TMEM132C: variants seen among roughly 807,000 people sequenced by gnomAD.
TMEM132C encodes the protein protein phosphatase 1, regulatory subunit 152.
In TMEM132C, 29 loss-of-function variants were observed where a neutral mutation model predicts 61.4. The observed-to-expected ratio is 0.47, with a 90% CI of 0.35 to 0.64. The LOEUF is 0.64. TMEM132C is among the 30% of genes least tolerant of loss of function. The pLI, the probability that TMEM132C is intolerant of heterozygous loss-of-function variation, is 0.00. For missense variants in TMEM132C, 1,408 were observed against 1,476.9 expected (o/e 0.95, Z 0.76); for synonymous variants, 656 against 633.1 (o/e 1.04, Z -0.54).
At chr12:128,365,853 C>T (rs1420892212) in intron 1 of TMEM132C, among the ~76,000 whole-genome samples, 2 of 152,188 alleles carry the variant, frequency 1.3e-5, no homozygotes. Flanking sequence ...GGTGGCCAGG[C>T]TGCCCCGTTG....
chr12:128,470,301 C>A (rs1389023481), intron 2 of TMEM132C, among the ~76,000 whole-genome samples: 2 of 152,184 alleles, frequency 1.3e-5, no homozygotes, highest in African/African-American at 4.8e-5. Context: ...ACTCTGACAG[C>A]AAAGAGGCAT....
chr12:128,508,285 G>A (rs1303170823), intron 2 of TMEM132C, among the ~76,000 whole-genome samples: 5 of 152,120 alleles, frequency 3.3e-5, no homozygotes, highest in South Asian at 2.1e-4. Flanking sequence ...AACCGCCTCC[G>A]TGATTCAGTT....
chr12:128,489,073 G>A (rs974914613), intron 2 of TMEM132C, among the ~76,000 whole-genome samples: 1 of 152,090 alleles, frequency 6.6e-6, no homozygotes, highest in African/African-American at 2.4e-5. Context: ...AAAGACCAAG[G>A]GTGCAGACTA....
At chr12:128,340,809 TTCTC>T (rs1418305636) in intron 1 of TMEM132C, among the ~76,000 whole-genome samples, 5 of 149,944 alleles carry the variant, frequency 3.3e-5, no homozygotes, top group Non-Finnish European at 7.4e-5. Flanking sequence ...CTTTCTTTCT[TTCTC>T]TCTTTCTTTC....
intron 1 of TMEM132C, among the ~76,000 whole-genome samples, chr12:128,394,356 C>A (rs1183276703): frequency 5.3e-5 from 8 of 152,170 alleles, no homozygotes; most frequent in Non-Finnish European, 1.2e-4. Context: ...GGATTCCAGA[C>A]ACAAGAAGAA....
intron 3 of TMEM132C, among the ~76,000 whole-genome samples, chr12:128,545,517 C>A (rs559168419): frequency 2.0e-5 from 3 of 152,292 alleles, no homozygotes; most frequent in African/African-American, 7.2e-5. Context: ...GTTCTGAGTT[C>A]TTTGAGAAAT....
At chr12:128,294,368 G>A (rs1176933676) in intron 1 of TMEM132C, among the ~76,000 whole-genome samples, 1 of 152,194 alleles carries the variant, frequency 6.6e-6, no homozygotes, top group East Asian at 1.9e-4. Flanking sequence ...CCACACTTCA[G>A]TGACTCACAC....
intron 1 of TMEM132C, among the ~76,000 whole-genome samples, chr12:128,311,120 G>A (rs764267695): frequency 3.0e-4 from 46 of 152,318 alleles, no homozygotes; most frequent in South Asian, 6.2e-4. Flanking sequence ...CTAATAATAA[G>A]CGTGTGGCTT....
At chr12:128,307,306 T>C (rs1459511419) in intron 1 of TMEM132C, among the ~76,000 whole-genome samples, 1 of 152,052 alleles carries the variant, frequency 6.6e-6, no homozygotes, top group African/African-American at 2.4e-5. Context: ...TGTTGAGTTA[T>C]CAAAATATAC....
chr12:128,456,516 C>T (rs937676216), intron 2 of TMEM132C, among the ~76,000 whole-genome samples: 5 of 150,136 alleles, frequency 3.3e-5, no homozygotes, highest in Admixed American at 6.7e-5. Context: ...AAGTGATTCT[C>T]CCAGCTCAGC....
chr12:128,670,297 A>G (rs1199463627), intron 5 of TMEM132C, among the ~76,000 whole-genome samples: 1 of 152,202 alleles, frequency 6.6e-6, no homozygotes, highest in Non-Finnish European at 1.5e-5. Context: ...TGGCAGAGCG[A>G]GACTCCATCT....
At chr12:128,469,568 T>C (rs1444586975) in intron 2 of TMEM132C, among the ~76,000 whole-genome samples, 6 of 151,956 alleles carry the variant, frequency 3.9e-5, no homozygotes, top group African/African-American at 7.2e-5. Context: ...ACACCCAGCT[T>C]TACAGCCATG....
chr12:128,571,131 C>CA (rs1162668631), intron 3 of TMEM132C, among the ~76,000 whole-genome samples: 4 of 151,790 alleles, frequency 2.6e-5, no homozygotes, highest in Non-Finnish European at 4.4e-5. Context: ...CAGACAAGGC[C>CA]AAAAAAATAA....
At chr12:128,666,987 G>A (rs1450448979) in intron 4 of TMEM132C, among the ~76,000 whole-genome samples, 3 of 152,264 alleles carry the variant, frequency 2.0e-5, no homozygotes, top group South Asian at 4.1e-4. Flanking sequence ...GGAGAATGGC[G>A]TGAACCCGGG....
intron 1 of TMEM132C, among the ~76,000 whole-genome samples, chr12:128,391,420 A>G (rs373476685): frequency 6.6e-6 from 1 of 152,192 alleles, no homozygotes; most frequent in African/African-American, 2.4e-5. Context: ...TTAAGTGGGC[A>G]CATGTATTCC....
chr12:128,692,433 C>T (rs1050383236), intron 5 of TMEM132C, among the ~76,000 whole-genome samples: 1 of 152,232 alleles, frequency 6.6e-6, no homozygotes, highest in Non-Finnish European at 1.5e-5. Flanking sequence ...ACACATGGGA[C>T]CAATTTAAAT....
intron 4 of TMEM132C, among the ~76,000 whole-genome samples, chr12:128,633,489 G>C (rs1954078697): frequency 6.6e-6 from 1 of 152,192 alleles, no homozygotes; most frequent in Non-Finnish European, 1.5e-5. Context: ...AAGTGTGACT[G>C]TGTCATCTTG....
chr12:128,638,893 GTGATGGTGGTGATGGTGA>G (rs1565999001), intron 4 of TMEM132C, among the ~76,000 whole-genome samples: 1 of 84,764 alleles, frequency 1.2e-5, no homozygotes, highest in Admixed American at 1.3e-4. Flanking sequence ...GATGGTGGTG[GTGATGGTGGTGATGGTGA>G]TGATGGTGGT....
At chr12:128,647,714 AGTGTTGG>A (rs1954220600) in intron 4 of TMEM132C, among the ~76,000 whole-genome samples, 1 of 151,004 alleles carries the variant, frequency 6.6e-6, no homozygotes, top group African/African-American at 2.5e-5. Context: ...AGATCCCATC[AGTGTTGG>A]ATGTGAGTGT....
Sources: gnomAD v4.1 joint callset for allele counts (sites outside exome capture counted in the v4.1 genomes callset) on GRCh38, gnomAD v4.1.1 for gene constraint, MANE v1.5 for transcripts, NCBI Gene and HGNC (gene_info 2026-07-23, HGNC 2026-07-21) for gene names.